The following CNTN5 variants were observed in gnomAD, a reference collection of about 807,000 sequenced individuals.
CNTN5 encodes contactin-5.
Under a neutral mutation model 129.1 loss-of-function variants are expected in CNTN5, and 77 were observed. The ratio of observed to expected loss-of-function variants is 0.60; its 90% CI spans 0.50 to 0.72. The LOEUF is 0.72. Among genes scored for constraint, CNTN5 ranks in the 30% least tolerant of loss-of-function variants. The pLI is 0.00. For missense variants in CNTN5, 1,478 were observed against 1,328.8 expected, an observed-to-expected ratio of 1.11 and a Z score of -1.75; for synonymous variants, 509 against 465.6, an observed-to-expected ratio of 1.09 and a Z score of -1.20.
At chr11:100,141,877 G>A (rs1372957560) in intron 13 of CNTN5, among the ~76,000 whole-genome samples, 1 of 152,154 alleles carries the variant, frequency 6.6e-6, no homozygotes. Context: ...GTCTAGGTGT[G>A]TCTGTGAGGG....
At chr11:99,472,338 C>T (rs1489148978) in intron 2 of CNTN5, among the ~76,000 whole-genome samples, 2 of 152,036 alleles carry the variant, frequency 1.3e-5, no homozygotes, top group East Asian at 3.9e-4. Flanking sequence ...ATCATAATGA[C>T]ACCTCCTTTA....
intron 3 of CNTN5, among the ~76,000 whole-genome samples, chr11:99,587,607 C>T (rs1200465785): frequency 6.6e-6 from 1 of 151,672 alleles, no homozygotes; most frequent in Non-Finnish European, 1.5e-5. Context: ...TTTCCAAACA[C>T]CACTCAGAAT....
rs778660029 is a variant in CNTN5, at chr11:100,167,193, C to CA, written c.1581-23924dup. Among the ~76,000 whole-genome samples, 7 of 149,708 alleles carry CA rather than the reference C, an allele frequency of 4.7e-5. No individual in the cohort carries two copies. In the South Asian group the frequency reaches 8.4e-4, roughly 18 times the overall value. ...GAGTTTAATATTCATCAAAAACAAA[C>CA]AAAAAAAAATTAAAGTAACAATGTA... On this transcript the variant is annotated intron_variant, in intron 13 of 24. Transcript: ENST00000524871.
chr11:99,336,036 A>T (rs1408215214), intron 2 of CNTN5, among the ~76,000 whole-genome samples: 1 of 149,648 alleles, frequency 6.7e-6, no homozygotes, highest in African/African-American at 2.4e-5. Context: ...TTATTCTTGG[A>T]TAAAAAAAAA....
chr11:99,037,592 T>A (rs76033791), intron 1 of CNTN5, among the ~76,000 whole-genome samples: 1 of 147,366 alleles, frequency 6.8e-6, no homozygotes, highest in African/African-American at 2.5e-5. Flanking sequence ...TTTTTTTTTT[T>A]TTTTTTAACA....
At chr11:99,352,720 T>C (rs539544307) in intron 2 of CNTN5, among the ~76,000 whole-genome samples, 2 of 152,268 alleles carry the variant, frequency 1.3e-5, no homozygotes, top group African/African-American at 4.8e-5. Context: ...CATCTTTCAT[T>C]ATTCCTTTCC....
chr11:99,110,186 G>C (rs752393603), intron 1 of CNTN5, among the ~76,000 whole-genome samples: 5 of 152,048 alleles, frequency 3.3e-5, no homozygotes, highest in Admixed American at 1.3e-4. Flanking sequence ...CAGATGAATG[G>C]GGTTGTCAAG....
intron 4 of CNTN5, among the ~76,000 whole-genome samples, chr11:99,833,165 G>A (rs958212170): frequency 6.6e-6 from 1 of 152,120 alleles, no homozygotes; most frequent in Admixed American, 6.6e-5. Context: ...AAAATGTCTT[G>A]ATATGAAGGA....
chr11:99,589,686 A>T (rs1247981098), intron 3 of CNTN5, among the ~76,000 whole-genome samples: 1 of 152,224 alleles, frequency 6.6e-6, no homozygotes, highest in Non-Finnish European at 1.5e-5. Flanking sequence ...AGTAGAAAGA[A>T]AATTCAAACA....
At chr11:99,388,199 T>G (rs1433460454) in intron 2 of CNTN5, among the ~76,000 whole-genome samples, 1 of 151,968 alleles carries the variant, frequency 6.6e-6, no homozygotes, top group Non-Finnish European at 1.5e-5. Flanking sequence ...GCAGATCACC[T>G]GAGGTCAGGA....
intron 17 of CNTN5, among the ~76,000 whole-genome samples, chr11:100,262,368 G>A (rs1285183299): frequency 1.3e-5 from 2 of 152,168 alleles, no homozygotes; most frequent in African/African-American, 2.4e-5. Context: ...CAACCTTTGT[G>A]GAGGACAGTG....
intron 2 of CNTN5, among the ~76,000 whole-genome samples, chr11:99,352,335 T>C (rs1235384553): frequency 6.6e-6 from 1 of 152,192 alleles, no homozygotes. Flanking sequence ...GGCTGTCTCA[T>C]TCATAGACAG....
intron 7 of CNTN5, among the ~76,000 whole-genome samples, chr11:99,944,830 A>C (rs1294660054): frequency 6.6e-6 from 1 of 152,146 alleles, no homozygotes; most frequent in Non-Finnish European, 1.5e-5. Flanking sequence ...CTCTTCAAGA[A>C]CTACAAACTA....
intron 3 of CNTN5, among the ~76,000 whole-genome samples, chr11:99,727,322 A>AAAAAAAAAAAAAAAAAAAAAAAAG (rs1565466265): frequency 7.9e-6 from 1 of 126,748 alleles, no homozygotes; most frequent in East Asian, 2.9e-4. Flanking sequence ...CAAAAAAAAA[A>AAAAAAAAAAAAAAAAAAAAAAAAG]AAAAAAAAAA....
chr11:99,973,189 T>C (rs1320885103), intron 8 of CNTN5, among the ~76,000 whole-genome samples: 1 of 152,100 alleles, frequency 6.6e-6, no homozygotes, highest in African/African-American at 2.4e-5. Flanking sequence ...CAAGCATCAC[T>C]AGGAATTTTT....
intron 3 of CNTN5, among the ~76,000 whole-genome samples, chr11:99,754,160 A>T (rs967654707): frequency 2.0e-5 from 3 of 152,164 alleles, no homozygotes; most frequent in Non-Finnish European, 4.4e-5. Context: ...TAGCGTGTGT[A>T]TCTTCATTGA....
At chr11:99,396,128 G>A (rs149713779) in intron 2 of CNTN5, among the ~76,000 whole-genome samples, 16 of 151,610 alleles carry the variant, frequency 1.1e-4, no homozygotes, top group African/African-American at 3.4e-4. Flanking sequence ...AAATTACTTT[G>A]GCAGTATGGC....
chr11:99,306,616 T>TA (rs957868464), intron 1 of CNTN5, among the ~76,000 whole-genome samples: 2 of 151,610 alleles, frequency 1.3e-5, no homozygotes, highest in African/African-American at 4.8e-5. Flanking sequence ...CTTTTTTAAC[T>TA]AAAAAAATTC....
intron 2 of CNTN5, among the ~76,000 whole-genome samples, chr11:99,357,487 C>T (rs1938761340): frequency 6.6e-6 from 1 of 151,272 alleles, no homozygotes; most frequent in Non-Finnish European, 1.5e-5. Context: ...CTCCTCCCCA[C>T]CCCCACCACA....
Sources: gnomAD v4.1 joint callset for allele counts (sites outside exome capture counted in the v4.1 genomes callset) on GRCh38, gnomAD v4.1.1 for gene constraint, MANE v1.5 for transcripts, NCBI Gene and HGNC (gene_info 2026-07-23, HGNC 2026-07-21) for gene names.